Variants in TRAK1 observed in about 807,000 individuals in gnomAD.
TRAK1 encodes the protein trafficking kinesin protein 1.
A neutral mutation model predicts 92.1 loss-of-function variants in TRAK1; 33 were observed. The ratio of observed to expected loss-of-function variants is 0.36; its 90% CI spans 0.27 to 0.48. The LOEUF (loss-of-function observed/expected upper bound fraction) is 0.48, where lower values mean the gene tolerates loss of function less well. Among genes scored for constraint, TRAK1 ranks in the 20% least tolerant of loss-of-function variants. The pLI is 0.99. For missense variants in TRAK1, 1,123 were observed against 1,257.9 expected (o/e 0.89, Z 1.62); for synonymous variants, 521 against 517.3 (o/e 1.01, Z -0.10).
chr3:42,206,960 C>T (rs1337690635), intron 13 of TRAK1, among the ~76,000 whole-genome samples: 1 of 152,148 alleles, frequency 6.6e-6, no homozygotes, highest in Non-Finnish European at 1.5e-5. Flanking sequence ...CTTGTCAGGG[C>T]CCAGACCTCC....
At chr3:42,176,708 T>C (rs1395009176) in intron 2 of TRAK1, 106 bp from the exon 3 acceptor site, 3 of 972,794 alleles carry the variant, frequency 3.1e-6, no homozygotes, top group African/African-American at 3.2e-5. Context: ...AGTGACCCTC[T>C]GTGTCTAATG....
chr3:42,175,160 T>G (rs1351656551), intron 2 of TRAK1, among the ~76,000 whole-genome samples: 1 of 152,010 alleles, frequency 6.6e-6, no homozygotes, highest in Non-Finnish European at 1.5e-5. Context: ...CAACACAAAT[T>G]TAAACACAGA....
intron 1 of TRAK1, among the ~76,000 whole-genome samples, chr3:42,113,107 C>T (rs199987248): frequency 0.037 from 3 of 82 alleles, no homozygotes; most frequent in South Asian, 0.33. Context: ...TAGGCCAGGG[C>T]GCTGTGCTTA....
chr3:42,202,721 T>G lies in TRAK1; in HGVS notation c.1713T>G (p.Pro571=), dbSNP rs1343274909. Reference sequence around the variant, plus strand: ...CCTTCAGCAGCCGCTCCTACCTGCCTGAGAAGCTCCAGATCGTGAAGCCGC... The same window carrying G: ...CCTTCAGCAGCCGCTCCTACCTGCCGGAGAAGCTCCAGATCGTGAAGCCGC... ...GMSFSSRSYL[P]EKLQIVKPLE... Residue 571 remains proline (P), a synonymous_variant, in exon 13 of 16, where the codon CCT becomes CCG. Transcript: ENST00000327628. This position sits in a 1 kb window ranked among gnomAD's most constrained non-coding sequence, Gnocchi z 6.1. 6.2e-7 allele frequency: 1 copy of G among 1,613,950 alleles called. No homozygotes were observed. Among genetic ancestry groups the G allele is most frequent in the South Asian group, 1.1e-5 (1 of 91,078 alleles).
intron 2 of TRAK1, among the ~76,000 whole-genome samples, chr3:42,173,893 TC>T (rs1702871632): frequency 6.6e-6 from 1 of 151,900 alleles, no homozygotes; most frequent in Non-Finnish European, 1.5e-5. Context: ...CTACCGAGAG[TC>T]TGTTATTTTG....
At chr3:42,142,970 T>C (rs1559826019) in intron 2 of TRAK1, among the ~76,000 whole-genome samples, 1 of 152,230 alleles carries the variant, frequency 6.6e-6, no homozygotes, top group Non-Finnish European at 1.5e-5. Flanking sequence ...TCTTGAAACC[T>C]GGTGTTGCAG....
intron 1 of TRAK1, among the ~76,000 whole-genome samples, chr3:42,097,024 G>T (rs568683989): frequency 1.3e-5 from 2 of 152,284 alleles, no homozygotes; most frequent in South Asian, 4.1e-4. Context: ...CTGTGCATGC[G>T]TTTGTATGGT....
At chr3:42,127,158 G>A (rs1340619463) in intron 2 of TRAK1, among the ~76,000 whole-genome samples, 2 of 152,152 alleles carry the variant, frequency 1.3e-5, no homozygotes, top group Admixed American at 6.5e-5. Context: ...GGTAGATTTT[G>A]TATTTGCTTT....
rs1710669261 is a variant in TRAK1, at chr3:42,225,126, GT to G, written c.*1392del. 1 of 152,186 alleles carries G rather than the reference GT, an allele frequency of 6.6e-6. No homozygotes were observed. 9.4% of individuals were successfully genotyped at this position (152,186 alleles called of 1,614,324 possible). A position where few individuals can be genotyped will look rare whatever the true frequency, so the allele number is the denominator to read the frequency against. ...TAAATAAACATTCTCGTTCCTTCCAGTTTCAGTCATAGTGTGTCTGTGGCAT... is the reference window on the plus strand; with the variant it reads ...TAAATAAACATTCTCGTTCCTTCCAGTTCAGTCATAGTGTGTCTGTGGCAT... On this transcript the variant is annotated 3_prime_UTR_variant, in exon 16 of 16. Transcript: ENST00000327628.
chr3:42,149,404 A>T, intron 2 of TRAK1: 1 of 1,467,370 alleles, frequency 6.8e-7, no homozygotes, highest in Non-Finnish European at 9.0e-7. Flanking sequence ...TTAAGAATGT[A>T]CAGCCTAATT....
chr3:42,079,598 A>G (rs1427890311), intron 1 of TRAK1, among the ~76,000 whole-genome samples: 3 of 147,104 alleles, frequency 2.0e-5, no homozygotes, highest in Non-Finnish European at 4.5e-5. Flanking sequence ...TCCTGCCTCA[A>G]CCTCCCGAGT....
At chr3:42,153,801 T>G (rs1700228194) in intron 2 of TRAK1, among the ~76,000 whole-genome samples, 1 of 152,192 alleles carries the variant, frequency 6.6e-6, no homozygotes, top group African/African-American at 2.4e-5. Flanking sequence ...AAGCATTAAT[T>G]GAAAAGCTGC....
chr3:42,197,002 T>A (rs6776329), intron 10 of TRAK1, among the ~76,000 whole-genome samples: 27,979 of 102,880 alleles, frequency 0.27, 3,736 homozygotes, highest in East Asian at 0.51. Context: ...TCTCTCTCTC[T>A]CACACACACA....
chr3:42,192,813 G>A (rs1443777074), intron 7 of TRAK1, among the ~76,000 whole-genome samples: 1 of 152,150 alleles, frequency 6.6e-6, no homozygotes, highest in Admixed American at 6.5e-5. Context: ...TGGTTGGTGG[G>A]CTTGGGACCC....
rs373921989 is a variant in TRAK1, at chr3:42,128,200, C to T, written c.286+2586C>T. On this transcript the variant is annotated intron_variant, in intron 2 of 15. Transcript: ENST00000327628. Reference sequence around the variant, plus strand: ...ATCTCAAAACAAACAAACAAACAAACGAAAAAACAAACAGTAGACTTGAAC... The same window carrying T: ...ATCTCAAAACAAACAAACAAACAAATGAAAAAACAAACAGTAGACTTGAAC... 1.2e-4 allele frequency among the ~76,000 whole-genome samples: 18 copies of T among 151,994 alleles called. No individual in the cohort carries two copies. In the East Asian group the frequency reaches 1.4e-3, roughly 11 times the overall value.
chr3:42,135,090 C>A (rs1243328651), intron 2 of TRAK1, among the ~76,000 whole-genome samples: 1 of 152,174 alleles, frequency 6.6e-6, no homozygotes, highest in East Asian at 1.9e-4. Flanking sequence ...ATTGGAGAAG[C>A]AGGGATTAGT....
chr3:42,076,769 A>G (rs1444309178), intron 1 of TRAK1, among the ~76,000 whole-genome samples: 1 of 152,140 alleles, frequency 6.6e-6, no homozygotes, highest in Non-Finnish European at 1.5e-5. Flanking sequence ...TTTAGCTTTT[A>G]CATTTTATTC....
chr3:42,047,562 T>C (rs1029892605), intron 1 of TRAK1, among the ~76,000 whole-genome samples: 2 of 152,118 alleles, frequency 1.3e-5, no homozygotes, highest in African/African-American at 4.8e-5. Context: ...GATTTACTTT[T>C]TCTAATTTCT....
chr3:42,072,492 A>C (rs770924986), intron 1 of TRAK1, among the ~76,000 whole-genome samples: 1 of 151,510 alleles, frequency 6.6e-6, no homozygotes. Flanking sequence ...GGCATTTTAT[A>C]AATCTGCTGC....
Sources: gnomAD v4.1 joint callset for allele counts (sites outside exome capture counted in the v4.1 genomes callset) on GRCh38, gnomAD v4.1.1 for gene constraint, Gnocchi (gnomAD v3.1) non-coding constraint, MANE v1.5 for transcripts, NCBI Gene and HGNC (gene_info 2026-07-23, HGNC 2026-07-21) for gene names.